MTSS1: variants seen among roughly 807,000 people sequenced by gnomAD.
The protein encoded by MTSS1 is MTSS I-BAR domain containing 1.
Under a neutral mutation model 79.0 loss-of-function variants are expected in MTSS1, and 18 were observed. The observed-to-expected ratio is 0.23, with a 90% confidence interval of 0.16 to 0.34. MTSS1 has a LOEUF of 0.34. Among genes scored for constraint, MTSS1 ranks in the 10% least tolerant of loss-of-function variants. The probability of loss-of-function intolerance (pLI) is 1.00; values close to 1 mark genes in which losing one functional copy is unlikely to be tolerated. For missense variants in MTSS1, 815 were observed against 986.2 expected (o/e 0.83, Z 2.33); for synonymous variants, 341 against 368.6 (o/e 0.93, Z 0.86).
chr8:124,556,478 G>A, intron 11 of MTSS1, 73 bp from the exon 12 acceptor site: 2 of 1,465,224 alleles, frequency 1.4e-6, no homozygotes, highest in African/African-American at 1.4e-5. Flanking sequence ...CCCATAGACA[G>A]CTCCCCAGAG....
chr8:124,695,016 T>TAA (rs11422382), intron 3 of MTSS1, among the ~76,000 whole-genome samples: 1 of 151,786 alleles, frequency 6.6e-6, no homozygotes, highest in East Asian at 1.9e-4. Context: ...CACTTTCATT[T>TAA]AAAAAAAATG....
chr8:124,581,454 A>ATTTTTTTTTTTTTTTTTTTTTTTT (rs36050957), intron 6 of MTSS1, among the ~76,000 whole-genome samples: 1 of 138,090 alleles, frequency 7.2e-6, no homozygotes. Context: ...CTTTACCAGA[A>ATTTTTTTTTTTTTTTTTTTTTTTT]TTTTTTTATT....
chr8:124,718,142 G>C (rs1832370037), intron 1 of MTSS1, among the ~76,000 whole-genome samples: 1 of 140,586 alleles, frequency 7.1e-6, no homozygotes, highest in Admixed American at 7.2e-5. Flanking sequence ...TCAAGCGCTT[G>C]TGGGTGACTT....
At chr8:124,698,329 T>C (rs1302235428) in intron 3 of MTSS1, among the ~76,000 whole-genome samples, 3 of 151,882 alleles carry the variant, frequency 2.0e-5, no homozygotes, top group African/African-American at 7.3e-5. Context: ...TTTTCCAATG[T>C]CACCACGACA....
In MTSS1 at chr8:124,715,312, T is replaced by G. The variant is rs564727535; in HGVS notation, c.73-11121A>C. Among the ~76,000 whole-genome samples, 43 of 152,348 alleles carry G rather than the reference T, an allele frequency of 2.8e-4. 1 individual carries two copies. The East Asian group carries it at 8.1e-3, about 29-fold the overall frequency. On this transcript the variant is annotated intron_variant, in intron 1 of 13. Coordinates refer to ENST00000518547, the MANE Select transcript of MTSS1 (RefSeq NM_014751.6). Reference sequence around the variant, plus strand: ...CACATACCTCTGTATTCATTCCATATTCCCTTTTTTATGTTCTTTTCTTTT... The same window carrying G: ...CACATACCTCTGTATTCATTCCATAGTCCCTTTTTTATGTTCTTTTCTTTT...
At position 124,553,667 on chromosome 8, in the gene MTSS1, T is replaced by TACA. The variant is rs1822967067; in HGVS notation, c.1590_1592dup (p.Val531dup). The stretch of plus-strand genomic sequence containing the variant: ...GCTGATCTGCCTCCTGGTCACCACT[T>TACA]ACAGAGAAATAATCATAATCTGAAA... On this transcript the variant is annotated inframe_insertion, in exon 14 of 14. Transcript: ENST00000518547. The surrounding 1 kb of genome is among the most constrained non-coding windows in gnomAD (Gnocchi z 6.0). 1 of 1,612,372 alleles carries TACA rather than the reference T, an allele frequency of 6.2e-7. No individual in the cohort carries two copies. Among genetic ancestry groups the TACA allele is most frequent in the South Asian group, 1.1e-5 (1 of 90,898 alleles).
intron 10 of MTSS1, among the ~76,000 whole-genome samples, chr8:124,561,178 T>C (rs1169678420): frequency 6.6e-6 from 1 of 152,192 alleles, no homozygotes; most frequent in Non-Finnish European, 1.5e-5. Flanking sequence ...ATGCCTGTAA[T>C]TCCAGAATTT....
At chr8:124,705,439 C>A (rs1564027047) in intron 1 of MTSS1, among the ~76,000 whole-genome samples, 5 of 152,020 alleles carry the variant, frequency 3.3e-5, no homozygotes. Context: ...CCACTGCACT[C>A]CAGACTGGGC....
At chr8:124,680,715 A>G (rs1360074382) in intron 3 of MTSS1, among the ~76,000 whole-genome samples, 2 of 152,244 alleles carry the variant, frequency 1.3e-5, no homozygotes, top group African/African-American at 4.8e-5. Context: ...AGAGAAACTT[A>G]ACAACCTATT....
At chr8:124,578,446 C>A (rs7003895) in intron 6 of MTSS1, among the ~76,000 whole-genome samples, 75,224 of 151,622 alleles carry the variant, frequency 0.5, 19,113 homozygotes, top group Non-Finnish European at 0.56. Context: ...ACCCTACCCC[C>A]AGGCTTAGTG....
chr8:124,594,059 T>C (rs1245332562), intron 3 of MTSS1, among the ~76,000 whole-genome samples: 1 of 152,248 alleles, frequency 6.6e-6, no homozygotes, highest in Non-Finnish European at 1.5e-5. Flanking sequence ...AGCTGCTTCA[T>C]GGATAATTCA....
intron 3 of MTSS1, among the ~76,000 whole-genome samples, chr8:124,621,795 C>T (rs113789490): frequency 6.6e-6 from 1 of 152,222 alleles, no homozygotes; most frequent in African/African-American, 2.4e-5. Context: ...GTGATCTGCC[C>T]ACCTCAGCCT....
intron 3 of MTSS1, among the ~76,000 whole-genome samples, chr8:124,613,534 T>C (rs1365291172): frequency 3.3e-5 from 5 of 152,250 alleles, no homozygotes; most frequent in Non-Finnish European, 7.3e-5. Context: ...TCCTGTTTCA[T>C]GTATCAACTC....
intron 3 of MTSS1, among the ~76,000 whole-genome samples, chr8:124,601,110 G>C (rs1203874452): frequency 7.8e-5 from 11 of 140,972 alleles, no homozygotes; most frequent in Non-Finnish European, 1.1e-4. Context: ...GCCTAGGCTG[G>C]AGTGCAGTGG....
At chr8:124,695,079 A>G (rs1465206393) in intron 3 of MTSS1, among the ~76,000 whole-genome samples, 2 of 152,242 alleles carry the variant, frequency 1.3e-5, no homozygotes, top group Non-Finnish European at 2.9e-5. Context: ...ATAGGTACAT[A>G]ACAACTAGAT....
intron 6 of MTSS1, among the ~76,000 whole-genome samples, chr8:124,577,383 G>A (rs1201502412): frequency 6.6e-6 from 1 of 152,234 alleles, no homozygotes; most frequent in African/African-American, 2.4e-5. Context: ...CCAAGTCGCT[G>A]AGAATGCAGG....
At chr8:124,693,055 C>A (rs1201800493) in intron 3 of MTSS1, among the ~76,000 whole-genome samples, 1 of 152,062 alleles carries the variant, frequency 6.6e-6, no homozygotes, top group Non-Finnish European at 1.5e-5. Context: ...AAAGGTCTCA[C>A]AAGTGATACA....
chr8:124,618,463 G>A (rs1052460115), intron 3 of MTSS1, among the ~76,000 whole-genome samples: 2 of 152,226 alleles, frequency 1.3e-5, no homozygotes, highest in Admixed American at 6.5e-5. Context: ...CAGGGTCTGT[G>A]TACCAATTTT....
At chr8:124,637,891 C>T (rs1817321151) in intron 3 of MTSS1, among the ~76,000 whole-genome samples, 2 of 152,214 alleles carry the variant, frequency 1.3e-5, no homozygotes, top group Admixed American at 1.3e-4. Context: ...GAAAATAAAT[C>T]AGGCTGAACT....
Sources: allele counts gnomAD v4.1 joint callset (sites outside exome capture counted in the v4.1 genomes callset), GRCh38; gene constraint gnomAD v4.1.1; non-coding constraint Gnocchi (gnomAD v3.1); transcripts MANE v1.5; gene names NCBI Gene and HGNC (gene_info 2026-07-23, HGNC 2026-07-21).